Variants in UMAD1 observed in about 807,000 individuals in gnomAD.
The protein encoded by UMAD1 is UBAP1-MVB12-associated (UMA)-domain containing protein 1.
A neutral mutation model predicts 6.1 loss-of-function variants in UMAD1; 8 were observed. That is an observed-to-expected ratio of 1.30 (90% CI 0.76 to 2.35). The LOEUF (loss-of-function observed/expected upper bound fraction) is 2.35. UMAD1 is among the 30% of genes most tolerant of loss of function. The pLI, the probability that UMAD1 is intolerant of heterozygous loss-of-function variation, is 0.00. For missense variants in UMAD1, 130 were observed against 78.4 expected, an observed-to-expected ratio of 1.66 and a Z score of -2.49; for synonymous variants, 56 against 31.4, an observed-to-expected ratio of 1.78 and a Z score of -2.61.
intron 2 of UMAD1, among the ~76,000 whole-genome samples, chr7:7,704,259 G>C (rs1239841930): frequency 4.6e-5 from 7 of 152,010 alleles, no homozygotes. Context: ...GGAAAATATA[G>C]TCATTTTTCA....
chr7:7,680,277 A>G (rs1010438903), intron 2 of UMAD1, among the ~76,000 whole-genome samples: 1 of 152,122 alleles, frequency 6.6e-6, no homozygotes, highest in African/African-American at 2.4e-5. Flanking sequence ...CAGTTTTCCC[A>G]GCACCACTGA....
intron 2 of UMAD1, among the ~76,000 whole-genome samples, chr7:7,795,814 G>C (rs565988592): frequency 6.6e-6 from 1 of 152,284 alleles, no homozygotes; most frequent in African/African-American, 2.4e-5. Flanking sequence ...AGGATGACCA[G>C]AGGCCACTTT....
chr7:7,678,522 ATATT>A (rs1327228941), intron 2 of UMAD1, among the ~76,000 whole-genome samples: 8 of 140,732 alleles, frequency 5.7e-5, no homozygotes. Context: ...ATAGATAAAT[ATATT>A]TATATACTTA....
chr7:7,788,632 C>T (rs75279712), intron 2 of UMAD1, among the ~76,000 whole-genome samples: 8,006 of 151,960 alleles, frequency 0.053, 731 homozygotes, highest in African/African-American at 0.18. Context: ...TGGTGACTCT[C>T]CTTTTCCTTC....
rs1176727135 is a variant in UMAD1 at position 7,673,360 on chromosome 7, GCAGCAGCA to G, written c.-11_-4del. The G allele has an allele frequency of 1.4e-5, 18 of 1,252,224 alleles. No individual in the cohort carries two copies. The highest frequency in any genetic ancestry group is 2.0e-5 in the Admixed American group (1 of 49,434). 77.6% of individuals were successfully genotyped at this position (1,252,224 alleles called of 1,614,324 possible). On this transcript the variant is annotated 5_prime_UTR_variant, in exon 2 of 4. Transcript: ENST00000682710. ...AGCAGCAGCAGCAGCAGCAGCAGCA[GCAGCAGCA>G]GCAATGTTTCACTTCTTCAGAAAGC...
intron 1 of UMAD1, among the ~76,000 whole-genome samples, chr7:7,665,844 G>A (rs1201782104): frequency 3.4e-5 from 5 of 146,858 alleles, no homozygotes; most frequent in Non-Finnish European, 7.5e-5. Context: ...TTTTGAGATC[G>A]TTGCATGTTG....
intron 3 of UMAD1, among the ~76,000 whole-genome samples, chr7:7,805,207 A>C (rs536600666): frequency 1.3e-5 from 2 of 152,212 alleles, no homozygotes; most frequent in Admixed American, 1.3e-4. Flanking sequence ...TTCACTTACA[A>C]ATTTCTACAC....
intron 2 of UMAD1, among the ~76,000 whole-genome samples, chr7:7,792,054 C>T (rs1389426476): frequency 6.6e-6 from 1 of 152,144 alleles, no homozygotes; most frequent in Non-Finnish European, 1.5e-5. Context: ...TGTCCTTCTC[C>T]CACCTACAGT....
chr7:7,800,131 C>A (rs1214255518), intron 2 of UMAD1, among the ~76,000 whole-genome samples: 2 of 152,242 alleles, frequency 1.3e-5, no homozygotes, highest in Non-Finnish European at 2.9e-5. Context: ...GATCCACCCA[C>A]CTTGGCCTCC....
At chr7:7,840,762 G>A (rs1419545059) in intron 3 of UMAD1, among the ~76,000 whole-genome samples, 1 of 152,210 alleles carries the variant, frequency 6.6e-6, no homozygotes, top group Non-Finnish European at 1.5e-5. Context: ...GTTCTTCACA[G>A]AAGGTTAAAA....
rs13241710 is a variant in UMAD1, at chr7:7,828,201, C to T, written c.156+26458C>T. On this transcript the variant is annotated intron_variant, in intron 3 of 3. Coordinates refer to ENST00000682710, the MANE Select transcript of UMAD1 (RefSeq NM_001302348.2). Reference sequence around the variant, plus strand: ...CCAGGGTTTTTGGATGTTTGATAGTCGCTGGTTGGTTAAAATGGATGAATG... The same window carrying T: ...CCAGGGTTTTTGGATGTTTGATAGTTGCTGGTTGGTTAAAATGGATGAATG... Among the ~76,000 whole-genome samples, 1,265 of 152,108 alleles carry T rather than the reference C, an allele frequency of 8.3e-3. 6 individuals are homozygous for T. Among genetic ancestry groups the T allele is most frequent in the African/African-American group, 0.014 (596 of 41,496 alleles).
At chr7:7,724,000 A>G (rs547358703) in intron 2 of UMAD1, among the ~76,000 whole-genome samples, 3 of 152,286 alleles carry the variant, frequency 2.0e-5, no homozygotes, top group African/African-American at 2.4e-5. Context: ...TCCTCAATCA[A>G]TTTCCAGAAT....
chr7:7,811,841 A>G (rs777008637), intron 3 of UMAD1, among the ~76,000 whole-genome samples: 4 of 152,150 alleles, frequency 2.6e-5, no homozygotes, highest in Non-Finnish European at 5.9e-5. Flanking sequence ...TCTTCCTAAG[A>G]GTGTTTGTCT....
chr7:7,793,990 G>T (rs1304550224), intron 2 of UMAD1, among the ~76,000 whole-genome samples: 1 of 152,024 alleles, frequency 6.6e-6, no homozygotes, highest in Non-Finnish European at 1.5e-5. Flanking sequence ...TTTCTTAGAT[G>T]CTAAAGTGCA....
intron 3 of UMAD1, among the ~76,000 whole-genome samples, chr7:7,836,697 T>C (rs893905726): frequency 6.6e-6 from 1 of 151,804 alleles, no homozygotes; most frequent in African/African-American, 2.4e-5. Flanking sequence ...AAATAGAACA[T>C]TAGAAATTAA....
chr7:7,676,268 C>T (rs1779736879), intron 2 of UMAD1: 2 of 398,002 alleles, frequency 5.0e-6, no homozygotes, highest in South Asian at 2.6e-4. Flanking sequence ...ATATCGGTAC[C>T]TACCCCATGA....
Position 7,712,642 on chromosome 7 carries a change from CA to C in UMAD1, c.82+39190del, listed in dbSNP as rs1222062704. Among the ~76,000 whole-genome samples, 3 of 152,088 alleles carry C rather than the reference CA, an allele frequency of 2.0e-5. No homozygotes were observed. In the East Asian group the frequency reaches 5.8e-4, roughly 29 times the overall value. ...CCTCTGTGAATAGTGAGTTTTGTTT[CA>C]TTCAAATCCTTGTGGTTTCATTTTA... On this transcript the variant is annotated intron_variant, in intron 2 of 3. Coordinates refer to ENST00000682710, the MANE Select transcript of UMAD1 (RefSeq NM_001302348.2).
chr7:7,792,772 G>C (rs1197645126), intron 2 of UMAD1, among the ~76,000 whole-genome samples: 1 of 152,200 alleles, frequency 6.6e-6, no homozygotes, highest in Non-Finnish European at 1.5e-5. Flanking sequence ...ATTTCTCGCA[G>C]TTCTGGAAGT....
At chr7:7,806,887 G>C (rs1003812296) in intron 3 of UMAD1, among the ~76,000 whole-genome samples, 2 of 152,158 alleles carry the variant, frequency 1.3e-5, no homozygotes, top group South Asian at 2.1e-4. Flanking sequence ...GTTCCATAAA[G>C]CTTAAAAATA....
Sources: gnomAD v4.1 joint callset for allele counts (sites outside exome capture counted in the v4.1 genomes callset) on GRCh38, gnomAD v4.1.1 for gene constraint, MANE v1.5 for transcripts, NCBI Gene and HGNC (gene_info 2026-07-23, HGNC 2026-07-21) for gene names.